Variants in KIFAP3 observed in about 807,000 individuals in gnomAD.
The protein encoded by KIFAP3 is kinesin-associated protein 3.
In KIFAP3, 68 loss-of-function variants were observed where a neutral mutation model predicts 106.5. The observed-to-expected ratio is 0.64, with a 90% CI of 0.53 to 0.78. KIFAP3 has a LOEUF of 0.78. KIFAP3 is among the 30% of genes least tolerant of loss of function. The pLI, the probability that KIFAP3 is intolerant of heterozygous loss-of-function variation, is 0.00. For synonymous variants in KIFAP3, 320 were observed against 311.5 expected, an observed-to-expected ratio of 1.03 and a Z score of -0.29; for missense variants, 780 against 941.8, an observed-to-expected ratio of 0.83 and a Z score of 2.25.
At chr1:170,035,663 G>A in intron 5 of KIFAP3, 110 bp from the exon 6 acceptor site, 2 of 580,620 alleles carry the variant, frequency 3.4e-6, no homozygotes, top group Non-Finnish European at 2.9e-6. Context: ...AGATAGAACT[G>A]GGACAAAAAG....
At chr1:169,939,274 AAC>A (rs1334359104) in intron 19 of KIFAP3, among the ~76,000 whole-genome samples, 1 of 152,176 alleles carries the variant, frequency 6.6e-6, no homozygotes, top group Non-Finnish European at 1.5e-5. Flanking sequence ...ATGAAATGAA[AAC>A]AACAGGGCAT....
chr1:170,074,882 G>T, upstream of KIFAP3: 1 of 437,038 alleles, frequency 2.3e-6, no homozygotes, highest in South Asian at 5.4e-5. Context: ...GAATAGAAAG[G>T]GCTGTCAGGT....
At chr1:170,013,678 G>A (rs1668364280) in intron 10 of KIFAP3, among the ~76,000 whole-genome samples, 1 of 151,964 alleles carries the variant, frequency 6.6e-6, no homozygotes, top group Non-Finnish European at 1.5e-5. Context: ...GATGTGTCAG[G>A]ACGTGATATT....
chr1:169,941,921 A>G (rs1664141132), intron 19 of KIFAP3, among the ~76,000 whole-genome samples: 2 of 152,226 alleles, frequency 1.3e-5, no homozygotes, highest in East Asian at 1.9e-4. Flanking sequence ...ATTAATGTAT[A>G]AAATTCAGCT....
intron 19 of KIFAP3, among the ~76,000 whole-genome samples, chr1:169,928,725 A>AAATT: frequency 6.6e-6 from 1 of 150,894 alleles, no homozygotes; most frequent in Admixed American, 6.6e-5. Context: ...AAAAAAATTA[A>AAATT]AGTTATACCT....
chr1:169,961,233 T>C lies in KIFAP3; in HGVS notation c.1986A>G (p.Glu662=), dbSNP rs1416661964. 1.2e-6 allele frequency: 2 copies of C among 1,609,310 alleles called. No homozygotes were observed. The highest frequency in any genetic ancestry group is 8.5e-7 in the Non-Finnish European group (1 of 1,178,510). ...VCDNTLDIIA[E]YDEEWAKKIQ... ...TTTTCTTAGCCCATTCTTCATCATA[T>C]TCCTATTGAAAACAAACAGTCAACT... Residue 662 remains glutamate (E), a splice_region_variant and synonymous_variant, in exon 18 of 20, where the codon GAA becomes GAG. Transcript: ENST00000361580.
At chr1:170,052,936 A>T (rs1474585227) in intron 2 of KIFAP3, among the ~76,000 whole-genome samples, 1 of 152,216 alleles carries the variant, frequency 6.6e-6, no homozygotes, top group East Asian at 1.9e-4. Flanking sequence ...CCATCACAAG[A>T]CAAGGATGCC....
chr1:170,074,848 T>C (rs1671865863), upstream of KIFAP3: 2 of 724,104 alleles, frequency 2.8e-6, no homozygotes, highest in Non-Finnish European at 3.6e-6. Context: ...AGTGGCTCCG[T>C]AGTCACCGCC....
chr1:170,072,194 C>T (rs1160951704), intron 1 of KIFAP3, among the ~76,000 whole-genome samples: 3 of 152,146 alleles, frequency 2.0e-5, no homozygotes, highest in Non-Finnish European at 2.9e-5. Flanking sequence ...TTTACTAAAG[C>T]GCTTAAGTCC....
chr1:169,952,762 A>C (rs997825144), intron 19 of KIFAP3, among the ~76,000 whole-genome samples: 4 of 152,112 alleles, frequency 2.6e-5, no homozygotes, highest in Non-Finnish European at 2.9e-5. Context: ...ACTTGTTTTA[A>C]AATGTTGCTG....
intron 10 of KIFAP3, among the ~76,000 whole-genome samples, chr1:169,996,897 T>C (rs1038886604): frequency 5.3e-5 from 8 of 152,112 alleles, no homozygotes; most frequent in African/African-American, 1.9e-4. Context: ...CAGGTTCCAA[T>C]GGATGAAAGA....
chr1:170,016,658 T>C (rs1668537321), intron 9 of KIFAP3, 34 bp from the exon 10 acceptor site: 1 of 1,322,860 alleles, frequency 7.6e-7, no homozygotes, highest in Non-Finnish European at 1.0e-6. Flanking sequence ...ACAGTGAAGT[T>C]CTGTTGCAAA....
chr1:169,993,251 C>T (rs559120223), intron 10 of KIFAP3, among the ~76,000 whole-genome samples: 6 of 151,626 alleles, frequency 4.0e-5, no homozygotes, highest in East Asian at 1.9e-4. Context: ...GGGATTCAGG[C>T]GCCCACTACC....
intron 19 of KIFAP3, among the ~76,000 whole-genome samples, chr1:169,948,441 A>T (rs535821130): frequency 6.6e-6 from 1 of 152,012 alleles, no homozygotes; most frequent in African/African-American, 2.4e-5. Context: ...AAAAGTAATA[A>T]CACACTAAAT....
At chr1:170,049,123 G>A (rs1670437095) in intron 2 of KIFAP3, among the ~76,000 whole-genome samples, 1 of 152,168 alleles carries the variant, frequency 6.6e-6, no homozygotes, top group African/African-American at 2.4e-5. Flanking sequence ...GATCTGGGAT[G>A]ATCGAGCTTG....
intron 17 of KIFAP3, among the ~76,000 whole-genome samples, chr1:169,968,552 T>G (rs1051027815): frequency 6.6e-6 from 1 of 151,948 alleles, no homozygotes; most frequent in South Asian, 2.1e-4. Context: ...ATTTAGTTGC[T>G]CATTAAAGTT....
At chr1:170,038,097 A>C (rs926550858) in intron 5 of KIFAP3, among the ~76,000 whole-genome samples, 193 bp downstream of exon 5, 4 of 152,234 alleles carry the variant, frequency 2.6e-5, no homozygotes, top group Non-Finnish European at 5.9e-5. Flanking sequence ...TAGTACCATT[A>C]ATGCTTAATT....
intron 19 of KIFAP3, among the ~76,000 whole-genome samples, chr1:169,943,046 A>T (rs1053075043): frequency 7.9e-5 from 12 of 152,066 alleles, no homozygotes; most frequent in African/African-American, 2.7e-4. Flanking sequence ...ATACAGCTTA[A>T]TATTTTATTC....
Position 170,042,590 on chromosome 1 carries a change from G to A in KIFAP3, c.320-3302C>T, listed in dbSNP as rs77391930. Reference sequence around the variant, plus strand: ...GAAATAATCTTTTCTTTGTCTTTCTGTGTTCTTCATAAAGGGGAGGTACTA... The same window carrying A: ...GAAATAATCTTTTCTTTGTCTTTCTATGTTCTTCATAAAGGGGAGGTACTA... On this transcript the variant is annotated intron_variant, in intron 3 of 19. Transcript: ENST00000361580. Among the ~76,000 whole-genome samples, 986 of 152,218 alleles carry A rather than the reference G, an allele frequency of 6.5e-3. 11 individuals are homozygous for A. Among genetic ancestry groups the A allele is most frequent in the African/African-American group, 0.023 (935 of 41,536 alleles).
Sources: gnomAD v4.1 joint callset for allele counts (sites outside exome capture counted in the v4.1 genomes callset) on GRCh38, gnomAD v4.1.1 for gene constraint, MANE v1.5 for transcripts, NCBI Gene and HGNC (gene_info 2026-07-23, HGNC 2026-07-21) for gene names.